Variants in NTSR1 observed in about 807,000 individuals in gnomAD.
NTSR1 encodes the protein neurotensin receptor 1, also known as neurotensin receptor type 1.
In NTSR1, 29 loss-of-function variants were observed where a neutral mutation model predicts 31.2. The ratio of observed to expected loss-of-function variants is 0.93; its 90% CI spans 0.69 to 1.27. NTSR1 has a LOEUF of 1.27. Among genes scored for constraint, NTSR1 ranks in the 50% most tolerant of loss-of-function variants. The probability of loss-of-function intolerance (pLI) is 0.00; values close to 1 mark genes in which losing one functional copy is unlikely to be tolerated. For synonymous variants in NTSR1, 282 were observed against 269.9 expected (o/e 1.04, Z -0.44); for missense variants, 697 against 595.4 (o/e 1.17, Z -1.78).
At position 62,709,432 on chromosome 20, in the gene NTSR1, G is replaced by A; in HGVS notation, c.225G>A (p.Val75=). 6.2e-7 allele frequency: 1 copy of A among 1,612,132 alleles called. No individual in the cohort carries two copies. The highest frequency in any genetic ancestry group is 8.5e-7 in the Non-Finnish European group (1 of 1,179,416). The change falls in exon 1 of 4, where the codon GTG becomes GTA. Residue 75 remains valine, a synonymous_variant. Coordinates refer to ENST00000370501, the MANE Select transcript of NTSR1 (RefSeq NM_002531.3). ...CCGCCGTGTACCTGGCGCTCTTCGT[G>A]GTGGGCACGGTGGGCAACACGGTGA... The part of the protein sequence containing the change: ...LVTAVYLALF[V]VGTVGNTVTA...
At chr20:62,738,184 G>A (rs1989139603) in intron 1 of NTSR1, among the ~76,000 whole-genome samples, 1 of 150,416 alleles carries the variant, frequency 6.6e-6, no homozygotes, top group South Asian at 2.1e-4. Context: ...GGTGATGGAG[G>A]GTGCTAGATG....
At position 62,709,410 on chromosome 20, in the gene NTSR1, C is replaced by T. The variant is rs1315491335; in HGVS notation, c.203C>T (p.Ala68Val). 10 of 1,610,956 alleles carry T rather than the reference C, an allele frequency of 6.2e-6. No homozygotes were observed. The highest frequency in any genetic ancestry group is 2.7e-5 in the African/African-American group (2 of 75,044). The change falls in exon 1 of 4, where the codon GCC becomes GTC. Residue 68 changes from alanine (A) to valine (V), a missense_variant. Physicochemically the swap from Ala to Val is moderately conservative, Grantham distance 64 (BLOSUM62 0). Coordinates refer to ENST00000370501, the MANE Select transcript of NTSR1 (RefSeq NM_002531.3). ...ATCTACTCCAAGGTGCTGGTGACCG[C>T]CGTGTACCTGGCGCTCTTCGTGGTG... ...TDIYSKVLVTAVYLALFVVGT... is the reference protein window; with the variant it reads ...TDIYSKVLVTVVYLALFVVGT...
intron 1 of NTSR1, among the ~76,000 whole-genome samples, chr20:62,728,920 G>A (rs1401209032): frequency 1.3e-5 from 2 of 152,182 alleles, no homozygotes; most frequent in Non-Finnish European, 2.9e-5. Context: ...CTTTTCTGAA[G>A]GAAGCCGGAG....
chr20:62,730,405 T>G (rs1988983068), intron 1 of NTSR1, among the ~76,000 whole-genome samples: 1 of 152,256 alleles, frequency 6.6e-6, no homozygotes, highest in Admixed American at 6.5e-5. Flanking sequence ...TTGAGGTTTC[T>G]CCCTGTCTTT....
intron 1 of NTSR1, among the ~76,000 whole-genome samples, chr20:62,734,101 G>T (rs888414158): frequency 6.6e-6 from 1 of 152,128 alleles, no homozygotes; most frequent in Admixed American, 6.5e-5. Context: ...TCGAGTCTGC[G>T]CTTCTCATCC....
At chr20:62,747,578 C>A (rs1403405166) in intron 1 of NTSR1, among the ~76,000 whole-genome samples, 1 of 152,168 alleles carries the variant, frequency 6.6e-6, no homozygotes, top group Non-Finnish European at 1.5e-5. Flanking sequence ...AAGTAGAAAG[C>A]TTTTTCTCTA....
At chr20:62,759,467 C>T (rs1294538094) in intron 3 of NTSR1, among the ~76,000 whole-genome samples, 2 of 152,196 alleles carry the variant, frequency 1.3e-5, no homozygotes, top group Admixed American at 1.3e-4. Flanking sequence ...GCAGAGCCCA[C>T]GCTCCACCTA....
chr20:62,752,565 A>G (rs1989412379), intron 1 of NTSR1, among the ~76,000 whole-genome samples: 1 of 152,160 alleles, frequency 6.6e-6, no homozygotes, highest in African/African-American at 2.4e-5. Context: ...GGATCCTCCA[A>G]CGGGGGCAGC....
At chr20:62,731,859 C>T (rs1989006329) in intron 1 of NTSR1, among the ~76,000 whole-genome samples, 1 of 152,226 alleles carries the variant, frequency 6.6e-6, no homozygotes, top group Admixed American at 6.5e-5. Flanking sequence ...TGGCTCACGC[C>T]TGTAATCCCA....
At chr20:62,727,802 C>T (rs1988934316) in intron 1 of NTSR1, among the ~76,000 whole-genome samples, 1 of 152,272 alleles carries the variant, frequency 6.6e-6, no homozygotes, top group Non-Finnish European at 1.5e-5. Context: ...AGGGCCACAG[C>T]CGAGGGCCAG....
At chr20:62,737,634 G>A (rs966672764) in intron 1 of NTSR1, among the ~76,000 whole-genome samples, 12 of 152,030 alleles carry the variant, frequency 7.9e-5, no homozygotes, top group African/African-American at 2.7e-4. Context: ...CCTGGGCGCT[G>A]CGATCCTCCT....
In NTSR1 at chr20:62,743,197, C is replaced by G. The variant is rs942526643; in HGVS notation, c.715-11488C>G. 1.5e-4 allele frequency among the ~76,000 whole-genome samples: 22 copies of G among 149,526 alleles called. No individual in the cohort carries two copies. Among genetic ancestry groups the G allele is most frequent in the Admixed American group, 2.0e-4 (3 of 14,888 alleles). On this transcript the variant is annotated intron_variant, in intron 1 of 3. Coordinates refer to ENST00000370501, the MANE Select transcript of NTSR1 (RefSeq NM_002531.3). This position sits in a 1 kb window ranked among gnomAD's most constrained non-coding sequence, Gnocchi z 7.5. ...TGCTCCCTGCCCCCGGTCCAGTCAGCTGAGTGCCCCGTGGTGTGGGTGCGT... is the reference window on the plus strand; with the variant it reads ...TGCTCCCTGCCCCCGGTCCAGTCAGGTGAGTGCCCCGTGGTGTGGGTGCGT...
intron 1 of NTSR1, among the ~76,000 whole-genome samples, chr20:62,748,030 C>T (rs1203649887): frequency 1.3e-5 from 2 of 152,056 alleles, no homozygotes; most frequent in Non-Finnish European, 2.9e-5. Flanking sequence ...ACAAAATTAG[C>T]TGGGCGTGGT....
chr20:62,750,712 AC>A (rs367605269), intron 1 of NTSR1, among the ~76,000 whole-genome samples: 54 of 149,768 alleles, frequency 3.6e-4, no homozygotes, highest in East Asian at 3.1e-3. Context: ...AAAAAAAAAA[AC>A]AATACTGCAT....
At chr20:62,731,251 A>C (rs1988997829) in intron 1 of NTSR1, among the ~76,000 whole-genome samples, 1 of 151,850 alleles carries the variant, frequency 6.6e-6, no homozygotes, top group Non-Finnish European at 1.5e-5. Flanking sequence ...TGCCCAGCTA[A>C]TTTTGTATTT....
At chr20:62,710,477 G>C (rs1352377222) in intron 1 of NTSR1, among the ~76,000 whole-genome samples, 1 of 152,214 alleles carries the variant, frequency 6.6e-6, no homozygotes, top group Non-Finnish European at 1.5e-5. Flanking sequence ...ATTGGAGAGA[G>C]GACGCGTGGG....
chr20:62,751,574 G>A (rs1989395021), intron 1 of NTSR1, among the ~76,000 whole-genome samples: 1 of 152,264 alleles, frequency 6.6e-6, no homozygotes. Context: ...GACGGCCACG[G>A]ATGCATTTCC....
At position 62,709,519 on chromosome 20, in the gene NTSR1, C is replaced by T. The variant is rs1366245337; in HGVS notation, c.312C>T (p.His104=). 5.0e-6 allele frequency: 8 copies of T among 1,612,438 alleles called. No individual in the cohort carries two copies. Among genetic ancestry groups the T allele is most frequent in the East Asian group, 2.2e-5 (1 of 44,874 alleles). Residue 104 remains histidine (H), a synonymous_variant, in exon 1 of 4, where the codon CAC becomes CAT. Transcript: ENST00000370501. The stretch of plus-strand genomic sequence containing the variant: ...GCCTGCAGAGCACGGTGCATTACCA[C>T]CTGGGCAGCCTGGCGCTGTCCGACC... ...LQSLQSTVHY[H]LGSLALSDLL...
chr20:62,732,223 G>C lies in NTSR1; in HGVS notation c.714+22302G>C, dbSNP rs1989012578. 6.6e-6 allele frequency among the ~76,000 whole-genome samples: 1 copy of C among 152,142 alleles called. No individual in the cohort carries two copies. On this transcript the variant is annotated intron_variant, in intron 1 of 3. Transcript: ENST00000370501. The surrounding 1 kb of genome is among the most constrained non-coding windows in gnomAD (Gnocchi z 4.0). The stretch of plus-strand genomic sequence containing the variant: ...GAACTCACAGTATGACGTTAAATAG[G>C]AGTGAGGATAGGGGGCCTCCCTGCC...
Sources: allele counts gnomAD v4.1 joint callset (sites outside exome capture counted in the v4.1 genomes callset), GRCh38; gene constraint gnomAD v4.1.1; non-coding constraint Gnocchi (gnomAD v3.1); transcripts MANE v1.5; gene names NCBI Gene and HGNC (gene_info 2026-07-23, HGNC 2026-07-21).